Variants in DDAH1 observed in about 807,000 individuals in gnomAD.
DDAH1 encodes N(G),N(G)-dimethylarginine dimethylaminohydrolase 1.
In DDAH1, 19 loss-of-function variants were observed where a neutral mutation model predicts 28.8. That is an observed-to-expected ratio of 0.66 (90% CI 0.46 to 0.97). The LOEUF is 0.97. Among genes scored for constraint, DDAH1 ranks in the 50% least tolerant of loss-of-function variants. The pLI is 0.00. For missense variants in DDAH1, 326 were observed against 375.9 expected (o/e 0.87, Z 1.10); for synonymous variants, 153 against 154.4 (o/e 0.99, Z 0.07).
At chr1:85,381,650 A>C (rs1392574179) in intron 1 of DDAH1, among the ~76,000 whole-genome samples, 3 of 151,574 alleles carry the variant, frequency 2.0e-5, no homozygotes, top group South Asian at 2.1e-4. Flanking sequence ...TTATCTCTTC[A>C]CTACTGGTTT....
At chr1:85,518,326 T>C (rs1657546340) in intron 1 of DDAH1, among the ~76,000 whole-genome samples, 1 of 152,198 alleles carries the variant, frequency 6.6e-6, no homozygotes, top group Admixed American at 6.5e-5. Context: ...TGGTATGAAC[T>C]AAAATCAGTG....
chr1:85,449,355 G>T (rs1426408224), intron 1 of DDAH1, among the ~76,000 whole-genome samples: 6 of 152,152 alleles, frequency 3.9e-5, no homozygotes, highest in African/African-American at 1.4e-4. Flanking sequence ...GTCTTTTGCA[G>T]GGAATCTAGG....
chr1:85,375,692 T>G (rs1650626207), intron 1 of DDAH1, among the ~76,000 whole-genome samples: 2 of 152,162 alleles, frequency 1.3e-5, no homozygotes, highest in South Asian at 4.1e-4. Context: ...GTGCCCTTTA[T>G]TCCAAGGTTG....
At chr1:85,340,037 G>A (rs144075184) in intron 4 of DDAH1, among the ~76,000 whole-genome samples, 4 of 152,222 alleles carry the variant, frequency 2.6e-5, no homozygotes, top group African/African-American at 9.6e-5. Context: ...AGAGATGGAA[G>A]GCATGCAAAT....
At chr1:85,429,409 C>T (rs1220438348) in intron 1 of DDAH1, among the ~76,000 whole-genome samples, 1 of 152,206 alleles carries the variant, frequency 6.6e-6, no homozygotes, top group Non-Finnish European at 1.5e-5. Flanking sequence ...TTTATCCAGT[C>T]TATCATTCAT....
chr1:85,445,247 T>G (rs749413017), intron 1 of DDAH1, among the ~76,000 whole-genome samples: 18 of 152,072 alleles, frequency 1.2e-4, no homozygotes, highest in Non-Finnish European at 2.4e-4. Flanking sequence ...AAGTTGACAC[T>G]CAGTATTAAG....
intron 2 of DDAH1, among the ~76,000 whole-genome samples, chr1:85,475,435 G>T (rs1655764566): frequency 1.3e-5 from 2 of 152,158 alleles, no homozygotes. Context: ...ATTGGTTGGG[G>T]GAAAGCTTCA....
At chr1:85,470,666 C>A (rs1655585128) in intron 2 of DDAH1, among the ~76,000 whole-genome samples, 1 of 152,138 alleles carries the variant, frequency 6.6e-6, no homozygotes, top group Non-Finnish European at 1.5e-5. Context: ...GAAAGAAACC[C>A]ATTGCTGCAG....
At chr1:85,334,983 C>A (rs2100809088) in intron 4 of DDAH1, among the ~76,000 whole-genome samples, 1 of 152,108 alleles carries the variant, frequency 6.6e-6, no homozygotes, top group African/African-American at 2.4e-5. Flanking sequence ...CCCAAACAAC[C>A]AAAAACTGAG....
intron 1 of DDAH1, among the ~76,000 whole-genome samples, chr1:85,541,451 T>C (rs1036187006): frequency 2.0e-5 from 3 of 152,244 alleles, no homozygotes; most frequent in Admixed American, 6.5e-5. Context: ...TAGTATTTCA[T>C]AGGAAACTGT....
chr1:85,368,878 C>G (rs1469207580), intron 1 of DDAH1, among the ~76,000 whole-genome samples: 1 of 151,926 alleles, frequency 6.6e-6, no homozygotes, highest in African/African-American at 2.4e-5. Flanking sequence ...TCGCATGCTG[C>G]CAGACACAAA....
chr1:85,475,907 A>T lies in DDAH1; in HGVS notation c.-7+20259T>A, dbSNP rs533771054. On this transcript the variant is annotated intron_variant, in intron 2 of 6. Coordinates refer to the DDAH1 transcript ENST00000426972. The stretch of plus-strand genomic sequence containing the variant: ...CACTCTGTAACCCAGGCTGGAGTGC[A>T]ATGGCACAATCTCGGCTCACTGCAA... Among the ~76,000 whole-genome samples the T allele has an allele frequency of 2.0e-5, 3 of 152,276 alleles. No homozygotes were observed. In the East Asian group the frequency reaches 5.8e-4, roughly 29 times the overall value.
At chr1:85,393,341 T>G (rs1651655333) in intron 1 of DDAH1, among the ~76,000 whole-genome samples, 1 of 152,120 alleles carries the variant, frequency 6.6e-6, no homozygotes, top group Admixed American at 6.6e-5. Flanking sequence ...AAAATTTCAG[T>G]TGTGAGGAAT....
chr1:85,401,461 G>T lies in DDAH1; in HGVS notation c.304-42614C>A, dbSNP rs901181210. Among the ~76,000 whole-genome samples the T allele has an allele frequency of 2.0e-5, 3 of 151,274 alleles. No individual in the cohort carries two copies. In the East Asian group the frequency reaches 5.8e-4, roughly 29 times the overall value. ...GAGGATGAAATATAATTTTACCTTG[G>T]ATTTTAAGAGACGCAGCTTTTCTTT... On this transcript the variant is annotated intron_variant, in intron 1 of 5. Transcript: ENST00000284031.
chr1:85,503,575 A>G (rs1003311343), intron 1 of DDAH1, among the ~76,000 whole-genome samples: 1 of 151,912 alleles, frequency 6.6e-6, no homozygotes, highest in Non-Finnish European at 1.5e-5. Flanking sequence ...CTATCCATCT[A>G]TCTATCCATC....
At chr1:85,442,364 T>A (rs1270442847) in intron 1 of DDAH1, among the ~76,000 whole-genome samples, 1 of 152,212 alleles carries the variant, frequency 6.6e-6, no homozygotes, top group African/African-American at 2.4e-5. Context: ...GAACTCATCC[T>A]TTTTTATGGC....
At chr1:85,350,381 A>T (rs1358524600) in intron 4 of DDAH1, 34 bp downstream of exon 4, 1 of 1,602,750 alleles carries the variant, frequency 6.2e-7, no homozygotes, top group African/African-American at 1.3e-5. Context: ...AGGCACCCCC[A>T]CTACATTTAG....
intron 1 of DDAH1, among the ~76,000 whole-genome samples, chr1:85,411,696 A>C (rs1312650812): frequency 6.6e-6 from 1 of 152,258 alleles, no homozygotes; most frequent in East Asian, 1.9e-4. Flanking sequence ...GATAGCTGCC[A>C]TGATGGCAAC....
At chr1:85,398,965 C>CT (rs1651941839) in intron 1 of DDAH1, 1 of 152,148 alleles carries the variant, frequency 6.6e-6, no homozygotes, top group Non-Finnish European at 1.5e-5. Context: ...CTAGTGATCT[C>CT]TTTTATAGAG....
Sources: gnomAD v4.1 joint callset for allele counts (sites outside exome capture counted in the v4.1 genomes callset) on GRCh38, gnomAD v4.1.1 for gene constraint, MANE v1.5 for transcripts, NCBI Gene and HGNC (gene_info 2026-07-23, HGNC 2026-07-21) for gene names.